CDH4: variants seen among roughly 807,000 people sequenced by gnomAD.
CDH4 encodes the protein cadherin-4.
CDH4 carries 33 observed loss-of-function variants against 86.0 expected under a neutral mutation model. That is an observed-to-expected ratio of 0.38 (90% confidence interval 0.29 to 0.51). The LOEUF (loss-of-function observed/expected upper bound fraction) is 0.51, where lower values mean the gene tolerates loss of function less well. CDH4 is among the 20% of genes least tolerant of loss of function. The pLI is 0.86. For missense variants in CDH4, 1,114 were observed against 1,307.4 expected, an observed-to-expected ratio of 0.85 and a Z score of 2.28; for synonymous variants, 555 against 549.4, an observed-to-expected ratio of 1.01 and a Z score of -0.14.
chr20:61,776,160 G>A (rs2088840317), intron 4 of CDH4, among the ~76,000 whole-genome samples: 1 of 152,168 alleles, frequency 6.6e-6, no homozygotes, highest in Admixed American at 6.5e-5. Context: ...ACATCATCAT[G>A]AGAGCCCACC....
rs62199427 is a variant in CDH4 at position 61,296,298 on chromosome 20, C to T, written c.169+41361C>T. 1.8e-3 allele frequency among the ~76,000 whole-genome samples: 212 copies of T among 116,482 alleles called. 1 individual carries two copies. The highest frequency in any genetic ancestry group is 6.9e-3 in the African/African-American group (196 of 28,376). 76.4% of individuals were successfully genotyped at this position (116,482 alleles called of 152,430 possible). On this transcript the variant is annotated intron_variant, in intron 2 of 15. Transcript: ENST00000614565. ...GTGCGTGGGTGCGTGTGTGTGTGTG[C>T]GTGGGTGCGTGTGTGTGCATGCGTG...
At chr20:61,625,612 A>G (rs2145780453) in intron 2 of CDH4, among the ~76,000 whole-genome samples, 1 of 152,300 alleles carries the variant, frequency 6.6e-6, no homozygotes, top group South Asian at 2.1e-4. Context: ...TTTCAAGAGG[A>G]AAAAACAGGG....
chr20:61,330,912 C>T (rs1326013240), intron 2 of CDH4, among the ~76,000 whole-genome samples: 4 of 152,170 alleles, frequency 2.6e-5, no homozygotes, highest in Non-Finnish European at 5.9e-5. Context: ...ATCATAAAAT[C>T]CTCCTCCCCT....
chr20:61,325,281 G>A (rs2123249939), intron 2 of CDH4, among the ~76,000 whole-genome samples: 2 of 152,284 alleles, frequency 1.3e-5, no homozygotes, highest in South Asian at 4.1e-4. Context: ...TCTTGAAGAG[G>A]TTCAGAGGAA....
chr20:61,340,918 A>C (rs1185549588), intron 2 of CDH4, among the ~76,000 whole-genome samples: 1 of 152,214 alleles, frequency 6.6e-6, no homozygotes, highest in African/African-American at 2.4e-5. Context: ...CCACACCTTC[A>C]TGAGCACAGT....
chr20:61,895,581 A>G (rs747407155), intron 8 of CDH4, among the ~76,000 whole-genome samples: 1 of 152,194 alleles, frequency 6.6e-6, no homozygotes, highest in African/African-American at 2.4e-5. Flanking sequence ...CAGGGGACCA[A>G]ACTCTCTCTG....
At chr20:61,344,180 T>C (rs2084664495) in intron 2 of CDH4, among the ~76,000 whole-genome samples, 1 of 151,524 alleles carries the variant, frequency 6.6e-6, no homozygotes, top group Non-Finnish European at 1.5e-5. Context: ...GAAGGGCGAG[T>C]GGAATGGTCC....
At chr20:61,424,896 T>G (rs1455061403) in intron 2 of CDH4, among the ~76,000 whole-genome samples, 2 of 113,642 alleles carry the variant, frequency 1.8e-5, no homozygotes, top group Non-Finnish European at 4.3e-5. Flanking sequence ...CTCTTGAAGA[T>G]GGGAAAGGCA....
chr20:61,343,812 A>G (rs1035080204), intron 2 of CDH4, among the ~76,000 whole-genome samples: 7 of 152,222 alleles, frequency 4.6e-5, no homozygotes, highest in Middle Eastern at 3.2e-3. Flanking sequence ...CGAAGCCCCA[A>G]GAGGGTATGG....
At chr20:61,841,473 G>C (rs1982168426) in intron 4 of CDH4, among the ~76,000 whole-genome samples, 1 of 152,196 alleles carries the variant, frequency 6.6e-6, no homozygotes, top group African/African-American at 2.4e-5. Context: ...AGAAGAGATG[G>C]GCCTTGCCCA....
chr20:61,522,353 C>T (rs909646756), intron 2 of CDH4, among the ~76,000 whole-genome samples: 1 of 152,240 alleles, frequency 6.6e-6, no homozygotes, highest in African/African-American at 2.4e-5. Context: ...TCCCAAACCC[C>T]TCCAGCCACT....
intron 2 of CDH4, among the ~76,000 whole-genome samples, chr20:61,550,910 C>T (rs751740608): frequency 5.3e-5 from 8 of 152,176 alleles, no homozygotes; most frequent in African/African-American, 1.4e-4. Context: ...CAGGCCAGTG[C>T]GCAGACAGAA....
chr20:61,318,107 G>A (rs1035779468), intron 2 of CDH4, among the ~76,000 whole-genome samples: 1 of 152,172 alleles, frequency 6.6e-6, no homozygotes, highest in Non-Finnish European at 1.5e-5. Flanking sequence ...ACCTGGAGGT[G>A]GGACCCATGC....
intron 2 of CDH4, chr20:61,499,568 A>C: frequency 8.0e-7 from 1 of 1,243,824 alleles, no homozygotes; most frequent in Non-Finnish European, 1.1e-6. Context: ...CTGATGCTTC[A>C]GACAGTGTCC....
Position 61,518,963 on chromosome 20 carries a change from T to C in CDH4, c.170-224600T>C, listed in dbSNP as rs1263472749. 6.6e-6 allele frequency among the ~76,000 whole-genome samples: 1 copy of C among 151,878 alleles called. No individual in the cohort carries two copies. The highest frequency in any genetic ancestry group is 2.4e-5 in the African/African-American group (1 of 41,288). On this transcript the variant is annotated intron_variant, in intron 2 of 15. Transcript: ENST00000614565. The surrounding 1 kb of genome is among the most constrained non-coding windows in gnomAD (Gnocchi z 6.3). ...CATTCATTCATCTATCCATCCATTA[T>C]TTATCCATCCATCCATCCTTCATCC... is the stretch of plus-strand genomic sequence containing the variant.
At chr20:61,568,927 G>A (rs574131495) in intron 2 of CDH4, among the ~76,000 whole-genome samples, 16 of 152,126 alleles carry the variant, frequency 1.1e-4, no homozygotes, top group African/African-American at 3.9e-4. Context: ...AGTCAAAGGT[G>A]CATCTTCAGT....
At chr20:61,740,890 G>A (rs1380007798) in intron 2 of CDH4, 2 of 152,256 alleles carry the variant, frequency 1.3e-5, no homozygotes, top group African/African-American at 4.8e-5. Context: ...GACGGGGCCT[G>A]TTAGACACAG....
At chr20:61,911,480 T>G (rs1353859609) in intron 9 of CDH4, among the ~76,000 whole-genome samples, 1 of 152,206 alleles carries the variant, frequency 6.6e-6, no homozygotes, top group African/African-American at 2.4e-5. Context: ...GCAGCTATTG[T>G]CCCAAAACAA....
intron 2 of CDH4, among the ~76,000 whole-genome samples, chr20:61,515,900 G>A (rs921413997): frequency 1.3e-5 from 2 of 152,076 alleles, no homozygotes; most frequent in Non-Finnish European, 2.9e-5. Context: ...CGCGTGGCTT[G>A]CCCAGTTCCC....
Sources: allele counts gnomAD v4.1 joint callset (sites outside exome capture counted in the v4.1 genomes callset), GRCh38; gene constraint gnomAD v4.1.1; non-coding constraint Gnocchi (gnomAD v3.1); transcripts MANE v1.5; gene names NCBI Gene and HGNC (gene_info 2026-07-23, HGNC 2026-07-21).